The following STK32B variants were observed in gnomAD, a reference collection of about 807,000 sequenced individuals.
STK32B encodes serine/threonine kinase 32B.
Under a neutral mutation model 52.6 loss-of-function variants are expected in STK32B, and 43 were observed. The ratio of observed to expected loss-of-function variants is 0.82; its 90% CI spans 0.64 to 1.05. The LOEUF is 1.05. Among genes scored for constraint, STK32B ranks in the 50% least tolerant of loss-of-function variants. The pLI is 0.00. For synonymous variants in STK32B, 238 were observed against 204.3 expected (o/e 1.17, Z -1.41); for missense variants, 621 against 534.6 (o/e 1.16, Z -1.59).
intron 3 of STK32B, among the ~76,000 whole-genome samples, chr4:5,258,302 A>G (rs1298118231): frequency 1.3e-5 from 2 of 152,218 alleles, no homozygotes; most frequent in African/African-American, 4.8e-5. Context: ...GTGCCCTTAC[A>G]GTACATTGGG....
chr4:5,182,729 G>A (rs1360938911), intron 3 of STK32B, among the ~76,000 whole-genome samples: 1 of 152,104 alleles, frequency 6.6e-6, no homozygotes, highest in African/African-American at 2.4e-5. Flanking sequence ...AAAGTGCTGG[G>A]ATTACAGATG....
intron 3 of STK32B, among the ~76,000 whole-genome samples, chr4:5,172,197 G>C (rs1719436739): frequency 6.6e-6 from 1 of 152,178 alleles, no homozygotes; most frequent in Non-Finnish European, 1.5e-5. Flanking sequence ...ATTAGGTTAA[G>C]GAGATTTTGG....
intron 3 of STK32B, among the ~76,000 whole-genome samples, chr4:5,255,333 G>T (rs1052838466): frequency 2.6e-5 from 4 of 152,128 alleles, no homozygotes; most frequent in African/African-American, 7.2e-5. Context: ...TGAATTGCTT[G>T]CATCTTGCAA....
chr4:5,098,554 C>A (rs1713524187), intron 1 of STK32B, among the ~76,000 whole-genome samples: 1 of 152,192 alleles, frequency 6.6e-6, no homozygotes, highest in African/African-American at 2.4e-5. Flanking sequence ...TTACTTCTCA[C>A]AAGAGTTCTT....
intron 3 of STK32B, among the ~76,000 whole-genome samples, chr4:5,276,242 T>C (rs974623179): frequency 6.6e-6 from 1 of 151,924 alleles, no homozygotes; most frequent in Non-Finnish European, 1.5e-5. Context: ...TGAGCCAAGA[T>C]TGCACCACTG....
chr4:5,315,924 C>G (rs531477108), intron 3 of STK32B, among the ~76,000 whole-genome samples: 10 of 150,556 alleles, frequency 6.6e-5, no homozygotes, highest in African/African-American at 2.4e-4. Context: ...AAGCTGATCT[C>G]GAACTCCTGA....
intron 5 of STK32B, among the ~76,000 whole-genome samples, chr4:5,415,967 A>T: frequency 6.6e-6 from 1 of 152,172 alleles, no homozygotes; most frequent in East Asian, 1.9e-4. Flanking sequence ...TAAGTCCCAC[A>T]TGCCAAATGC....
chr4:5,463,907 T>A (rs879857618), intron 9 of STK32B, among the ~76,000 whole-genome samples: 5 of 152,224 alleles, frequency 3.3e-5, no homozygotes, highest in Admixed American at 3.3e-4. Flanking sequence ...TAGGCCATTC[T>A]TGCATTGCTA....
chr4:5,244,362 G>A (rs1458874083), intron 3 of STK32B, among the ~76,000 whole-genome samples: 1 of 152,124 alleles, frequency 6.6e-6, no homozygotes, highest in African/African-American at 2.4e-5. Context: ...GTTTATTTGT[G>A]TAGAGGTGTT....
rs543178848 is a variant in STK32B, at chr4:5,305,263, T to C, written c.261-25957T>C. Among the ~76,000 whole-genome samples the C allele has an allele frequency of 9.6e-5, 14 of 146,370 alleles. No individual in the cohort carries two copies. The South Asian group carries it at 1.5e-3, about 15-fold the overall frequency. ...TTTTGGAATAGTGTCTCAGTAGGAT[T>C]GGTCCCAATTCTTCTTTGAATGTCT... is the stretch of plus-strand genomic sequence containing the variant. On this transcript the variant is annotated intron_variant, in intron 3 of 11. Coordinates refer to ENST00000282908, the MANE Select transcript of STK32B (RefSeq NM_018401.3).
chr4:5,168,955 T>C (rs1719112211), intron 3 of STK32B, among the ~76,000 whole-genome samples: 2 of 152,324 alleles, frequency 1.3e-5, no homozygotes, highest in South Asian at 4.1e-4. Flanking sequence ...TTGGCTATTA[T>C]CTTCACTTTA....
intron 3 of STK32B, among the ~76,000 whole-genome samples, chr4:5,173,282 T>G (rs915728430): frequency 6.6e-5 from 10 of 152,144 alleles, no homozygotes; most frequent in Admixed American, 2.6e-4. Context: ...TTTTTGAAGG[T>G]TTTTTTGTGT....
At chr4:5,297,631 T>C (rs1477238144) in intron 3 of STK32B, among the ~76,000 whole-genome samples, 2 of 140,022 alleles carry the variant, frequency 1.4e-5, no homozygotes, top group African/African-American at 3.1e-5. Context: ...GTCTGGTCAT[T>C]TATGTTTTTT....
rs138872796 is a variant in STK32B at position 5,173,926 on chromosome 4, G to T, written c.260+5476G>T. ...GGATGTTAAAGTCTCCTATTATTATGGTGTGGGAGTCTAAGTCTCTTTGTA... is the reference window on the plus strand; with the variant it reads ...GGATGTTAAAGTCTCCTATTATTATTGTGTGGGAGTCTAAGTCTCTTTGTA... On this transcript the variant is annotated intron_variant, in intron 3 of 11. Transcript: ENST00000282908. Among the ~76,000 whole-genome samples, 847 of 152,152 alleles carry T rather than the reference G, an allele frequency of 5.6e-3. 2 individuals carry two copies. The highest frequency in any genetic ancestry group is 9.0e-3 in the Non-Finnish European group (611 of 68,004).
intron 3 of STK32B, among the ~76,000 whole-genome samples, chr4:5,269,161 G>A (rs1347358876): frequency 6.6e-6 from 1 of 152,126 alleles, no homozygotes; most frequent in African/African-American, 2.4e-5. Context: ...GGCTTGCCTG[G>A]AGTATTCGGG....
intron 3 of STK32B, among the ~76,000 whole-genome samples, chr4:5,247,606 G>T (rs973589751): frequency 6.6e-6 from 1 of 152,180 alleles, no homozygotes; most frequent in East Asian, 1.9e-4. Flanking sequence ...GCGCTTCCCT[G>T]TGTGATGAAC....
intron 3 of STK32B, among the ~76,000 whole-genome samples, chr4:5,315,579 A>G (rs903240561): frequency 6.6e-6 from 1 of 152,174 alleles, no homozygotes; most frequent in African/African-American, 2.4e-5. Flanking sequence ...AATAAGGAGT[A>G]TCTCAACATC....
At chr4:5,316,642 TTA>T (rs1477607337) in intron 3 of STK32B, among the ~76,000 whole-genome samples, 10 of 9,330 alleles carry the variant, frequency 1.1e-3, no homozygotes, top group Non-Finnish European at 1.4e-3. Flanking sequence ...ATATAATATA[TTA>T]TATATATAAT....
chr4:5,419,850 TCATTA>T (rs1712476293), intron 6 of STK32B, among the ~76,000 whole-genome samples: 1 of 152,234 alleles, frequency 6.6e-6, no homozygotes, highest in Admixed American at 6.5e-5. Flanking sequence ...ACTACTCATG[TCATTA>T]ATCTTTGATT....
Sources: allele counts gnomAD v4.1 joint callset (sites outside exome capture counted in the v4.1 genomes callset), GRCh38; gene constraint gnomAD v4.1.1; transcripts MANE v1.5; gene names NCBI Gene and HGNC (gene_info 2026-07-23, HGNC 2026-07-21).